The following MRPS31 variants were observed in gnomAD, a reference collection of about 807,000 sequenced individuals.
MRPS31 encodes small ribosomal subunit protein mS31.
A neutral mutation model predicts 43.1 loss-of-function variants in MRPS31; 32 were observed. The observed-to-expected ratio is 0.74, with a 90% confidence interval of 0.56 to 1.00. The LOEUF (loss-of-function observed/expected upper bound fraction) is 1.00. Ranked by LOEUF, MRPS31 falls within the 50% of genes least tolerant of loss-of-function variation. The pLI is 0.00. For synonymous variants in MRPS31, 165 were observed against 161.6 expected (o/e 1.02, Z -0.16); for missense variants, 437 against 466.7 (o/e 0.94, Z 0.59).
At chr13:40,745,660 T>C (rs1369101653) in intron 6 of MRPS31, among the ~76,000 whole-genome samples, 1 of 152,230 alleles carries the variant, frequency 6.6e-6, no homozygotes, top group Non-Finnish European at 1.5e-5. Context: ...AACAGTGTCT[T>C]TCACAGTGCA....
intron 2 of MRPS31, among the ~76,000 whole-genome samples, chr13:40,761,368 T>C (rs572532177): frequency 6.6e-6 from 1 of 152,352 alleles, no homozygotes; most frequent in Non-Finnish European, 1.5e-5. Flanking sequence ...CCAAAGTCAT[T>C]GTATTTCTTT....
At chr13:40,736,337 A>C (rs1879905969) in intron 6 of MRPS31, among the ~76,000 whole-genome samples, 1 of 151,926 alleles carries the variant, frequency 6.6e-6, no homozygotes, top group Admixed American at 6.6e-5. Context: ...GGAGAATGGA[A>C]CCAAGTTGGA....
chr13:40,741,051 T>C (rs1283459535), intron 6 of MRPS31, among the ~76,000 whole-genome samples: 4 of 151,722 alleles, frequency 2.6e-5, no homozygotes, highest in African/African-American at 9.7e-5. Context: ...TTACAAAAAA[T>C]TGTAATATAT....
At chr13:40,734,918 G>T (rs1879833384) in intron 6 of MRPS31, among the ~76,000 whole-genome samples, 1 of 152,092 alleles carries the variant, frequency 6.6e-6, no homozygotes, top group Admixed American at 6.5e-5. Flanking sequence ...ATAACGCTAG[G>T]CGGGGGAGGA....
At chr13:40,766,464 T>C (rs747100467) in intron 2 of MRPS31, among the ~76,000 whole-genome samples, 4 of 152,046 alleles carry the variant, frequency 2.6e-5, no homozygotes, top group African/African-American at 7.3e-5. Context: ...CAGCTGACTT[T>C]TGTAGTTTTA....
At chr13:40,739,075 G>A (rs1044293391) in intron 6 of MRPS31, among the ~76,000 whole-genome samples, 1 of 152,140 alleles carries the variant, frequency 6.6e-6, no homozygotes, top group African/African-American at 2.4e-5. Context: ...AAGCTGATAA[G>A]CAACTTCAGT....
intron 1 of MRPS31, chr13:40,770,769 A>G (rs1880983685): frequency 5.5e-6 from 3 of 545,532 alleles, no homozygotes; most frequent in Non-Finnish European, 9.7e-6. Context: ...GACAAGAGGA[A>G]TGAGGCGCGG....
intron 2 of MRPS31, among the ~76,000 whole-genome samples, chr13:40,763,141 C>T (rs748187557): frequency 6.6e-6 from 1 of 152,176 alleles, no homozygotes; most frequent in Admixed American, 6.5e-5. Flanking sequence ...TGCTGCATCA[C>T]CAGGGATATT....
intron 6 of MRPS31, among the ~76,000 whole-genome samples, chr13:40,735,504 G>T (rs1253930183): frequency 1.3e-5 from 2 of 152,128 alleles, no homozygotes; most frequent in African/African-American, 4.8e-5. Flanking sequence ...AAAGACAGCA[G>T]TAACCTCTGC....
intron 6 of MRPS31, among the ~76,000 whole-genome samples, chr13:40,740,408 C>G (rs1166103792): frequency 2.4e-5 from 3 of 124,868 alleles, no homozygotes; most frequent in African/African-American, 1.1e-4. Flanking sequence ...ACTAGAAATA[C>G]CATTTGACCC....
intron 4 of MRPS31, among the ~76,000 whole-genome samples, chr13:40,755,525 T>C (rs375374378): frequency 1.3e-5 from 2 of 152,194 alleles, no homozygotes; most frequent in East Asian, 1.9e-4. Context: ...ATGGAGGCTA[T>C]AAAAGGTGCC....
intron 6 of MRPS31, among the ~76,000 whole-genome samples, chr13:40,736,341 A>G (rs1175195133): frequency 6.6e-6 from 1 of 151,922 alleles, no homozygotes; most frequent in Non-Finnish European, 1.5e-5. Context: ...AATGGAACCA[A>G]GTTGGAAAAC....
At chr13:40,756,106 C>G (rs187591508) in intron 4 of MRPS31, among the ~76,000 whole-genome samples, 90 of 152,274 alleles carry the variant, frequency 5.9e-4, no homozygotes, top group Non-Finnish European at 4.7e-4. Context: ...AGAGTTAACT[C>G]AAGTTTCTGA....
chr13:40,765,715 C>G (rs1880824457), intron 2 of MRPS31, among the ~76,000 whole-genome samples: 2 of 152,026 alleles, frequency 1.3e-5, no homozygotes, highest in Admixed American at 1.3e-4. Flanking sequence ...GTTTGGGAAA[C>G]AGAAGACTAT....
intron 3 of MRPS31, among the ~76,000 whole-genome samples, chr13:40,757,500 A>G (rs1200031208): frequency 7.8e-6 from 1 of 128,576 alleles, no homozygotes; most frequent in Non-Finnish European, 1.5e-5. Context: ...GTTGGAGTGC[A>G]GTGGCGCAAT....
intron 1 of MRPS31, chr13:40,770,697 G>A: frequency 2.5e-6 from 1 of 396,560 alleles, no homozygotes; most frequent in Non-Finnish European, 4.7e-6. Context: ...AAACAAATGA[G>A]ACTATCAAAT....
chr13:40,770,532 T>G (rs1315312252), intron 1 of MRPS31, among the ~76,000 whole-genome samples: 1 of 152,218 alleles, frequency 6.6e-6, no homozygotes, highest in African/African-American at 2.4e-5. Flanking sequence ...ACCTACACTA[T>G]CTCAGCTATT....
At position 40,729,347 on chromosome 13, in the gene MRPS31, G is replaced by T. The variant is rs538719816; in HGVS notation, c.*25C>A. 1.1e-5 allele frequency: 13 copies of T among 1,181,460 alleles called. No individual in the cohort carries two copies. The highest frequency in any genetic ancestry group is 1.6e-5 in the Non-Finnish European group (13 of 826,640). The allele number at this position is 1,181,460 out of a possible 1,614,324, so 73.2% of individuals were successfully genotyped here. On this transcript the variant is annotated 3_prime_UTR_variant, in exon 7 of 7. Coordinates refer to ENST00000323563, the MANE Select transcript of MRPS31 (RefSeq NM_005830.4). The stretch of plus-strand genomic sequence containing the variant: ...TTAGTTGTAATATCCATCTCTAATT[G>T]TTTGAAATAAAAATTTCCATGGTCT...
intron 1 of MRPS31, among the ~76,000 whole-genome samples, chr13:40,768,166 C>A (rs1880902455): frequency 6.6e-6 from 1 of 152,104 alleles, no homozygotes; most frequent in East Asian, 1.9e-4. Flanking sequence ...GAAGAATTTT[C>A]AAAACTCTGA....
Sources: gnomAD v4.1 joint callset for allele counts (sites outside exome capture counted in the v4.1 genomes callset) on GRCh38, gnomAD v4.1.1 for gene constraint, MANE v1.5 for transcripts, NCBI Gene and HGNC (gene_info 2026-07-23, HGNC 2026-07-21) for gene names.